WDR72: variants seen among roughly 807,000 people sequenced by gnomAD.
WDR72 encodes WD repeat domain 72.
WDR72 carries 120 observed loss-of-function variants against 124.2 expected under a neutral mutation model. The observed-to-expected ratio is 0.97, with a 90% CI of 0.83 to 1.12. WDR72 has a LOEUF of 1.12. Ranked by LOEUF, WDR72 falls within the 50% of genes most tolerant of loss-of-function variation. The probability of loss-of-function intolerance (pLI) is 0.00; values close to 1 mark genes in which losing one functional copy is unlikely to be tolerated. For synonymous variants in WDR72, 452 were observed against 441.7 expected, an observed-to-expected ratio of 1.02 and a Z score of -0.29; for missense variants, 1,387 against 1,278.8, an observed-to-expected ratio of 1.08 and a Z score of -1.29.
rs745612375 is a variant in WDR72, at chr15:53,751,519, T to C, written c.-13+8114A>G. Reference sequence around the variant, plus strand: ...TTATATTATCGTATACTTAATAGGCTTTGATATGCACTGGGAATCCAAAAT... The same window carrying C: ...TTATATTATCGTATACTTAATAGGCCTTGATATGCACTGGGAATCCAAAAT... On this transcript the variant is annotated intron_variant, in intron 1 of 19. Transcript: ENST00000360509. Among the ~76,000 whole-genome samples, 156 of 152,230 alleles carry C rather than the reference T, an allele frequency of 1.0e-3. 2 individuals are homozygous for C. Among genetic ancestry groups the C allele is most frequent in the Non-Finnish European group, 3.5e-4 (24 of 68,034 alleles).
chr15:53,559,581 G>T (rs190726739), intron 18 of WDR72, among the ~76,000 whole-genome samples: 1 of 151,950 alleles, frequency 6.6e-6, no homozygotes, highest in Non-Finnish European at 1.5e-5. Flanking sequence ...ACAGAAACTA[G>T]CAATTGTGCC....
rs181801356 is a variant in WDR72 at position 53,680,890 on chromosome 15, T to C, written c.1766-15122A>G. Among the ~76,000 whole-genome samples the C allele has an allele frequency of 2.2e-4, 34 of 152,302 alleles. No homozygotes were observed. In the East Asian group the frequency reaches 6.6e-3, roughly 29 times the overall value. On this transcript the variant is annotated intron_variant, in intron 13 of 19. Coordinates refer to ENST00000360509, the MANE Select transcript of WDR72 (RefSeq NM_182758.4). The stretch of plus-strand genomic sequence containing the variant: ...CTGGGGAAAGTGGTGGGCCAATCTA[T>C]TGCCTGGGATGCACTGACAAGGCTG...
At chr15:53,743,780 T>G (rs2018570814) in intron 1 of WDR72, among the ~76,000 whole-genome samples, 1 of 138,422 alleles carries the variant, frequency 7.2e-6, no homozygotes, top group South Asian at 2.2e-4. Context: ...ATCAAGACCA[T>G]CCTGGCTAAC....
chr15:53,650,507 A>C (rs1371839414), intron 14 of WDR72, among the ~76,000 whole-genome samples: 1 of 152,198 alleles, frequency 6.6e-6, no homozygotes, highest in Non-Finnish European at 1.5e-5. Context: ...AGTCATAGTT[A>C]ACCTTCCACT....
intron 11 of WDR72, 41 bp from the exon 12 acceptor site, chr15:53,702,395 T>C (rs1212905728): frequency 6.6e-7 from 1 of 1,510,146 alleles, no homozygotes; most frequent in Non-Finnish European, 9.2e-7. Context: ...GATGTTATTT[T>C]TGTTCAGAAA....
intron 13 of WDR72, among the ~76,000 whole-genome samples, chr15:53,688,240 G>C (rs1400189993): frequency 1.3e-5 from 2 of 149,650 alleles, no homozygotes; most frequent in South Asian, 2.1e-4. Context: ...AGGAAAGAAA[G>C]GGTATTCAAT....
intron 13 of WDR72, among the ~76,000 whole-genome samples, chr15:53,687,616 C>T (rs1240796906): frequency 5.6e-5 from 8 of 143,768 alleles, no homozygotes; most frequent in African/African-American, 1.6e-4. Flanking sequence ...GATTCACAGC[C>T]GAATTCTACC....
chr15:53,758,774 G>T (rs1250310650), intron 1 of WDR72, among the ~76,000 whole-genome samples: 4 of 126,510 alleles, frequency 3.2e-5, no homozygotes, highest in Middle Eastern at 7.2e-3. Flanking sequence ...ACTGCGGGGG[G>T]GGGGGGGGCG....
At chr15:53,565,121 T>A (rs542495642) in intron 18 of WDR72, among the ~76,000 whole-genome samples, 2 of 151,838 alleles carry the variant, frequency 1.3e-5, no homozygotes, top group Non-Finnish European at 2.9e-5. Context: ...AAAAATTTCA[T>A]GAGCATATTC....
intron 14 of WDR72, among the ~76,000 whole-genome samples, chr15:53,658,558 C>T (rs1013692281): frequency 1.3e-5 from 2 of 152,072 alleles, no homozygotes; most frequent in Admixed American, 1.3e-4. Flanking sequence ...AAAAGGTATA[C>T]ACACAGAGAA....
intron 18 of WDR72, among the ~76,000 whole-genome samples, chr15:53,546,788 A>T (rs1029945727): frequency 1.3e-5 from 2 of 152,216 alleles, no homozygotes; most frequent in Admixed American, 6.5e-5. Context: ...AATACACAAA[A>T]TCAAAAATGA....
At chr15:53,646,224 C>A (rs1378859651) in intron 14 of WDR72, among the ~76,000 whole-genome samples, 1 of 152,044 alleles carries the variant, frequency 6.6e-6, no homozygotes, top group African/African-American at 2.4e-5. Context: ...CTGATGTATA[C>A]AACAAAGGAA....
upstream of WDR72, among the ~76,000 whole-genome samples, chr15:53,761,382 G>A (rs186019826): frequency 3.5e-4 from 53 of 152,222 alleles, no homozygotes; most frequent in African/African-American, 1.3e-3. Context: ...ATATAAATAA[G>A]TACAACCACT....
intron 14 of WDR72, among the ~76,000 whole-genome samples, chr15:53,663,702 C>T (rs2015683846): frequency 1.3e-5 from 2 of 152,040 alleles, no homozygotes; most frequent in Admixed American, 1.3e-4. Flanking sequence ...ATAATTTCCA[C>T]TATAAGATGC....
chr15:53,552,125 A>T (rs1408760764), intron 18 of WDR72, among the ~76,000 whole-genome samples: 1 of 105,124 alleles, frequency 9.5e-6, no homozygotes. Context: ...TTCTATACCT[A>T]TCATGTGTGT....
intron 17 of WDR72, among the ~76,000 whole-genome samples, chr15:53,607,256 A>T (rs1216167845): frequency 1.3e-5 from 2 of 149,120 alleles, no homozygotes; most frequent in Non-Finnish European, 3.0e-5. Flanking sequence ...TCTCAGAATT[A>T]AAAAAAAAAG....
At chr15:53,760,669 C>A (rs2140910115), upstream of WDR72, among the ~76,000 whole-genome samples, 1 of 152,258 alleles carries the variant, frequency 6.6e-6, no homozygotes, top group Middle Eastern at 3.4e-3. Context: ...CTTTGATATA[C>A]TGATTTTCTT....
chr15:53,651,872 C>G (rs978288084), intron 14 of WDR72: 5 of 152,172 alleles, frequency 3.3e-5, no homozygotes, highest in Non-Finnish European at 7.3e-5. Context: ...AGGCTGGTCT[C>G]AAACTCCAGA....
chr15:53,725,684 T>C (rs1457042908), intron 2 of WDR72, among the ~76,000 whole-genome samples: 1 of 152,156 alleles, frequency 6.6e-6, no homozygotes, highest in African/African-American at 2.4e-5. Context: ...TGTATTACCA[T>C]ATGAAAGAAG....
Sources: gnomAD v4.1 joint callset for allele counts (sites outside exome capture counted in the v4.1 genomes callset) on GRCh38, gnomAD v4.1.1 for gene constraint, MANE v1.5 for transcripts, NCBI Gene and HGNC (gene_info 2026-07-23, HGNC 2026-07-21) for gene names.